RPS3: variants seen among roughly 807,000 people sequenced by gnomAD.
RPS3 encodes small ribosomal subunit protein uS3.
In RPS3, 2 loss-of-function variants were observed where a neutral mutation model predicts 25.8. That is an observed-to-expected ratio of 0.08 (90% CI 0.03 to 0.24). RPS3 has a LOEUF of 0.24. RPS3 is among the 10% of genes least tolerant of loss of function. The probability of loss-of-function intolerance (pLI) is 1.00; values close to 1 mark genes in which losing one functional copy is unlikely to be tolerated. For missense variants in RPS3, 107 were observed against 307.1 expected (o/e 0.35, Z 4.87); for synonymous variants, 114 against 114.2 (o/e 1.00, Z 0.01).
At chr11:75,412,793 C>T (rs952167989) in intron 6 of RPS3, among the ~76,000 whole-genome samples, 4 of 152,080 alleles carry the variant, frequency 2.6e-5, no homozygotes, top group African/African-American at 7.3e-5. Context: ...TTTATTTTTT[C>T]TGACACAGAG....
chr11:75,400,510 G>T, intron 1 of RPS3, 184 bp from the exon 2 acceptor site: 2 of 842,614 alleles, frequency 2.4e-6, no homozygotes, highest in South Asian at 2.6e-5. Flanking sequence ...ATTTCCTAAA[G>T]ATGACTTAGA....
intron 3 of RPS3, 130 bp from the exon 4 acceptor site, chr11:75,402,222 G>A: frequency 7.2e-7 from 1 of 1,383,050 alleles, no homozygotes; most frequent in Non-Finnish European, 1.0e-6. Context: ...CCATCTCCTG[G>A]GCAGCATGCG....
chr11:75,419,766 T>C (rs1278170005), intron 6 of RPS3, among the ~76,000 whole-genome samples: 2 of 152,090 alleles, frequency 1.3e-5, no homozygotes, highest in East Asian at 3.9e-4. Context: ...CCCCGGTAGC[T>C]GGGACTACAG....
intron 4 of RPS3, chr11:75,402,691 A>C (rs1948229411): frequency 3.2e-6 from 1 of 315,028 alleles, no homozygotes; most frequent in Non-Finnish European, 6.0e-6. Context: ...TTGGGAGTTA[A>C]ACACAAATAG....
downstream of RPS3, among the ~76,000 whole-genome samples, chr11:75,410,111 C>T (rs1433385854): frequency 5.6e-5 from 7 of 125,472 alleles, no homozygotes; most frequent in Non-Finnish European, 8.2e-5. Context: ...GCTGGCCGGG[C>T]GGGGGGCTGA....
chr11:75,399,929 A>G (rs2135048049), intron 1 of RPS3: 1 of 385,698 alleles, frequency 2.6e-6, no homozygotes, highest in East Asian at 5.4e-5. Context: ...AAGAGAAGGC[A>G]GCAGTGTATT....
intron 6 of RPS3, among the ~76,000 whole-genome samples, chr11:75,415,283 C>A (rs1948386678): frequency 6.6e-6 from 1 of 152,186 alleles, no homozygotes; most frequent in South Asian, 2.1e-4. Context: ...TCTCACAGGG[C>A]TGTTGTGGGA....
intron 6 of RPS3, among the ~76,000 whole-genome samples, chr11:75,411,950 C>T (rs78250561): frequency 0.033 from 4,999 of 152,304 alleles, 116 homozygotes; most frequent in Non-Finnish European, 0.052. Flanking sequence ...GTGCTGGACA[C>T]AGCCAGAGAT....
chr11:75,406,325 G>A lies in RPS3; in HGVS notation c.*715G>A, dbSNP rs1371650973. ...AAGAAATTCGGCACTATTTTTTCAG[G>A]CAAAACTAGTGAGGGACAGGTTGGC... On this transcript the variant is annotated 3_prime_UTR_variant, in exon 7 of 7. Transcript: ENST00000531188. 2 of 152,104 alleles carry A rather than the reference G, an allele frequency of 1.3e-5. No individual in the cohort carries two copies. The highest frequency in any genetic ancestry group is 6.5e-5 in the Admixed American group (1 of 15,274). The allele number at this position is 152,104 out of a possible 1,614,324, so 9.4% of individuals were successfully genotyped here.
At position 75,406,045 on chromosome 11, in the gene RPS3, T is replaced by C. The variant is rs1395436093; in HGVS notation, c.*435T>C. On this transcript the variant is annotated 3_prime_UTR_variant, in exon 7 of 7. Transcript: ENST00000531188. ...TGTTCTTTACATATGTACTCGTTAA[T>C]CAACCTCTCTAAAGTGTAAAGGAAA... 1.3e-5 allele frequency: 2 copies of C among 155,838 alleles called. No individual in the cohort carries two copies. The highest frequency in any genetic ancestry group is 2.8e-5 in the Non-Finnish European group (2 of 70,420). 9.7% of individuals were successfully genotyped at this position (155,838 alleles called of 1,614,324 possible). A position where few individuals can be genotyped will look rare whatever the true frequency, so the allele number is the denominator to read the frequency against.
rs536167613 is a variant in RPS3, at chr11:75,419,622, ATT to A, written c.*4-2102_*4-2101del. Among the ~76,000 whole-genome samples, 378 of 152,118 alleles carry A rather than the reference ATT, an allele frequency of 2.5e-3. 1 individual carries two copies. Among genetic ancestry groups the A allele is most frequent in the African/African-American group, 8.4e-3 (350 of 41,512 alleles). On this transcript the variant is annotated intron_variant, in intron 6 of 6. Coordinates refer to the RPS3 transcript ENST00000527446. Reference sequence around the variant, plus strand: ...CATATGGTAATGAATGTTTCATTTTATTTTGTTTTTATTTTTATTTTTTATTT... The same window carrying A: ...CATATGGTAATGAATGTTTCATTTTATTGTTTTTATTTTTATTTTTTATTT...
intron 4 of RPS3, 196 bp from the exon 5 acceptor site, chr11:75,403,822 GGA>G: frequency 1.8e-6 from 1 of 546,586 alleles, no homozygotes. Context: ...TACATATTTA[GGA>G]GCTTGACATA....
At chr11:75,420,430 G>A (rs1281288309) in intron 6 of RPS3, among the ~76,000 whole-genome samples, 1 of 152,180 alleles carries the variant, frequency 6.6e-6, no homozygotes, top group Non-Finnish European at 1.5e-5. Context: ...CATCTGTGCT[G>A]CACTCAAGCC....
downstream of RPS3, among the ~76,000 whole-genome samples, chr11:75,409,779 T>C (rs1356958247): frequency 2.0e-5 from 3 of 149,154 alleles, no homozygotes; most frequent in Middle Eastern, 3.5e-3. Context: ...GAAGTGCCCC[T>C]CACCTCCCGG....
intron 6 of RPS3, among the ~76,000 whole-genome samples, chr11:75,415,039 C>T (rs1032985770): frequency 6.6e-6 from 1 of 152,208 alleles, no homozygotes; most frequent in African/African-American, 2.4e-5. Flanking sequence ...CCACCCAGTC[C>T]ACCACCTCCA....
intron 6 of RPS3, 139 bp from the exon 7 acceptor site, chr11:75,405,475 A>G: frequency 3.4e-6 from 1 of 298,018 alleles, no homozygotes; most frequent in South Asian, 2.9e-5. Context: ...TTTTTTTTAT[A>G]TGAAAAAGGA....
chr11:75,420,559 A>C (rs974784130), intron 6 of RPS3, among the ~76,000 whole-genome samples: 2 of 152,122 alleles, frequency 1.3e-5, no homozygotes, highest in Non-Finnish European at 2.9e-5. Context: ...GACTTTAGTC[A>C]CTTCACCTCA....
At chr11:75,410,767 C>T (rs944590532), downstream of RPS3, among the ~76,000 whole-genome samples, 345 of 152,308 alleles carry the variant, frequency 2.3e-3, 3 homozygotes, top group Non-Finnish European at 2.1e-3. Flanking sequence ...GCGGATCACT[C>T]GCGGTTAGGA....
intron 6 of RPS3, among the ~76,000 whole-genome samples, chr11:75,414,474 G>A (rs1240692740): frequency 1.3e-5 from 2 of 152,194 alleles, no homozygotes; most frequent in African/African-American, 2.4e-5. Flanking sequence ...AGCCAGGCGT[G>A]GTGGTGGACG....
Sources: allele counts gnomAD v4.1 joint callset (sites outside exome capture counted in the v4.1 genomes callset), GRCh38; gene constraint gnomAD v4.1.1; transcripts MANE v1.5; gene names NCBI Gene and HGNC (gene_info 2026-07-23, HGNC 2026-07-21).